The following TPST2 variants were observed in gnomAD, a reference collection of about 807,000 sequenced individuals.
The protein encoded by TPST2 is protein-tyrosine sulfotransferase 2.
TPST2 carries 16 observed loss-of-function variants against 27.8 expected under a neutral mutation model. That is an observed-to-expected ratio of 0.58 (90% CI 0.39 to 0.88). TPST2 has a LOEUF of 0.88. Among genes scored for constraint, TPST2 ranks in the 40% least tolerant of loss-of-function variants. The pLI is 0.00. For missense variants in TPST2, 464 were observed against 543.1 expected (o/e 0.85, Z 1.45); for synonymous variants, 229 against 231.7 (o/e 0.99, Z 0.10).
intron 1 of TPST2, among the ~76,000 whole-genome samples, chr22:26,568,106 C>A (rs2147227479): frequency 6.6e-6 from 1 of 152,332 alleles, no homozygotes; most frequent in South Asian, 2.1e-4. Flanking sequence ...GGGCACATAT[C>A]AAAATGTTCC....
intron 4 of TPST2, among the ~76,000 whole-genome samples, chr22:26,533,617 A>C (rs1463271351): frequency 6.6e-6 from 1 of 152,190 alleles, no homozygotes; most frequent in Non-Finnish European, 1.5e-5. Flanking sequence ...TTTAAAATAA[A>C]ATGAAACAAG....
chr22:26,546,975 GA>G (rs921722696), intron 1 of TPST2, among the ~76,000 whole-genome samples: 2 of 152,242 alleles, frequency 1.3e-5, no homozygotes, highest in Admixed American at 1.3e-4. Flanking sequence ...GACATTTATA[GA>G]AATTTGCTGA....
chr22:26,588,894 C>A (rs1353977772), intron 1 of TPST2, among the ~76,000 whole-genome samples: 1 of 152,154 alleles, frequency 6.6e-6, no homozygotes, highest in Non-Finnish European at 1.5e-5. Flanking sequence ...ACAGCCCAGT[C>A]TGGCAGACAG....
Position 26,529,290 on chromosome 22 carries a change from C to T in TPST2, c.1093-1028G>A, listed in dbSNP as rs138817750. On this transcript the variant is annotated intron_variant, in intron 5 of 6. Coordinates refer to ENST00000338754, the MANE Select transcript of TPST2 (RefSeq NM_003595.5). ...TACAGACGTGTGCCACCACGAATGGCTAATATTTTTTGTATTTTTAGTAGA... is the reference window on the plus strand; with the variant it reads ...TACAGACGTGTGCCACCACGAATGGTTAATATTTTTTGTATTTTTAGTAGA... Among the ~76,000 whole-genome samples, 61 of 152,268 alleles carry T rather than the reference C, an allele frequency of 4.0e-4. No homozygotes were observed. In the East Asian group the frequency reaches 7.0e-3, roughly 17 times the overall value.
intron 1 of TPST2, among the ~76,000 whole-genome samples, chr22:26,569,358 G>C (rs886429849): frequency 3.9e-5 from 6 of 152,196 alleles, no homozygotes; most frequent in African/African-American, 1.2e-4. Context: ...GGGCAGGGAG[G>C]GGTGCTATGT....
chr22:26,552,040 G>A (rs5761594), intron 1 of TPST2, among the ~76,000 whole-genome samples: 9,463 of 151,508 alleles, frequency 0.062, 400 homozygotes, highest in Non-Finnish European at 0.095. Flanking sequence ...CACCATGCCC[G>A]GCTAATATTT....
intron 1 of TPST2, among the ~76,000 whole-genome samples, chr22:26,578,065 AGAATTACCAAAAG>A (rs1366581380): frequency 6.6e-6 from 1 of 152,192 alleles, no homozygotes; most frequent in Non-Finnish European, 1.5e-5. Flanking sequence ...ATTATCTTTA[AGAATTACCAAAAG>A]GAATTTCAAT....
chr22:26,535,987 G>A (rs1925435452), intron 4 of TPST2: 1 of 479,022 alleles, frequency 2.1e-6, no homozygotes, highest in Non-Finnish European at 4.0e-6. Flanking sequence ...AATAGCCAGG[G>A]AAATAGGGGT....
intron 4 of TPST2, among the ~76,000 whole-genome samples, 171 bp from the exon 5 acceptor site, chr22:26,532,916 G>C (rs1363575472): frequency 6.6e-6 from 1 of 152,124 alleles, no homozygotes; most frequent in Non-Finnish European, 1.5e-5. Flanking sequence ...TAAGCATTGT[G>C]TCTGGTTGAC....
intron 1 of TPST2, among the ~76,000 whole-genome samples, chr22:26,564,809 AGTTATAGCCATG>A (rs1210250040): frequency 6.6e-6 from 1 of 152,064 alleles, no homozygotes; most frequent in African/African-American, 2.4e-5. Flanking sequence ...TCGAACACTG[AGTTATAGCCATG>A]GAAGGGGTAT....
At chr22:26,552,724 T>C (rs557913829) in intron 1 of TPST2, among the ~76,000 whole-genome samples, 1 of 152,230 alleles carries the variant, frequency 6.6e-6, no homozygotes, top group East Asian at 1.9e-4. Context: ...GCTAGATTTG[T>C]CCCGTGGGCA....
intron 1 of TPST2, among the ~76,000 whole-genome samples, chr22:26,571,620 G>A (rs997284675): frequency 2.0e-5 from 3 of 152,008 alleles, no homozygotes; most frequent in Admixed American, 1.3e-4. Flanking sequence ...AATCCTGACC[G>A]GCCCCTCTCA....
At chr22:26,568,848 G>A (rs1297859616) in intron 1 of TPST2, among the ~76,000 whole-genome samples, 2 of 150,582 alleles carry the variant, frequency 1.3e-5, no homozygotes, top group African/African-American at 2.4e-5. Flanking sequence ...TTCACTTTAT[G>A]AACTCACCCT....
intron 1 of TPST2, among the ~76,000 whole-genome samples, chr22:26,549,895 G>A (rs970469519): frequency 7.4e-5 from 11 of 147,766 alleles, no homozygotes; most frequent in African/African-American, 1.0e-4. Flanking sequence ...AAAATTAGCC[G>A]GGTGTGGGGG....
chr22:26,523,823 T>C lies in TPST2; in HGVS notation c.*2452A>G, dbSNP rs1194558427. ...GTCTGGAACTCCTGACCTCAGCTTA[T>C]CTGCCCACCTCAGCCTCCCAAAGTG... On this transcript the variant is annotated 3_prime_UTR_variant, in exon 7 of 7. Coordinates refer to ENST00000338754, the MANE Select transcript of TPST2 (RefSeq NM_003595.5). 2 of 152,224 alleles carry C rather than the reference T, an allele frequency of 1.3e-5. No homozygotes were observed. The highest frequency in any genetic ancestry group is 2.9e-5 in the Non-Finnish European group (2 of 68,052). The allele number at this position is 152,224 out of a possible 1,614,324, so 9.4% of individuals were successfully genotyped here.
chr22:26,572,666 C>T (rs542493449), intron 1 of TPST2, among the ~76,000 whole-genome samples: 9 of 152,256 alleles, frequency 5.9e-5, no homozygotes, highest in Admixed American at 2.0e-4. Flanking sequence ...GTCTCACAGT[C>T]CCCTCTGCCT....
In TPST2 at chr22:26,543,544, T is replaced by C. The variant is rs1318398734; in HGVS notation, c.-89+1060A>G. ...CTGGTCTCGAACTCCTGACCTAAGG[T>C]GATCTGCCCGCCTCAGCCTCCCAAA... On this transcript the variant is annotated intron_variant, in intron 2 of 6. Transcript: ENST00000338754. Among the ~76,000 whole-genome samples, 5 of 152,124 alleles carry C rather than the reference T, an allele frequency of 3.3e-5. No homozygotes were observed. The East Asian group carries it at 9.6e-4, about 29-fold the overall frequency.
intron 1 of TPST2, among the ~76,000 whole-genome samples, chr22:26,587,962 A>T (rs1301636758): frequency 6.6e-6 from 1 of 151,994 alleles, no homozygotes; most frequent in African/African-American, 2.4e-5. Flanking sequence ...AAATTAAAAA[A>T]ATATTTAAAG....
chr22:26,576,907 T>C lies in TPST2; in HGVS notation c.-161+13146A>G, dbSNP rs373168887. ...GTCAGGAGATTGAGACCATCCTGGC[T>C]AACACAGTGAAACCCCGTCTCTACT... On this transcript the variant is annotated intron_variant, in intron 1 of 6. Coordinates refer to ENST00000338754, the MANE Select transcript of TPST2 (RefSeq NM_003595.5). 8.4e-4 allele frequency among the ~76,000 whole-genome samples: 127 copies of C among 151,592 alleles called. 2 individuals are homozygous for C. In the South Asian group the frequency reaches 0.026, roughly 31 times the overall value.
Sources: allele counts gnomAD v4.1 joint callset (sites outside exome capture counted in the v4.1 genomes callset), GRCh38; gene constraint gnomAD v4.1.1; transcripts MANE v1.5; gene names NCBI Gene and HGNC (gene_info 2026-07-23, HGNC 2026-07-21).